Variants in SPATA21 observed in about 807,000 individuals in gnomAD.
The protein encoded by SPATA21 is spermatogenesis-associated protein 21.
In SPATA21, 47 loss-of-function variants were observed where a neutral mutation model predicts 54.8. The ratio of observed to expected loss-of-function variants is 0.86; its 90% confidence interval spans 0.68 to 1.09. The LOEUF (loss-of-function observed/expected upper bound fraction) is 1.09. Ranked by LOEUF, SPATA21 falls within the 50% of genes least tolerant of loss-of-function variation. The probability of loss-of-function intolerance (pLI) is 0.00; values close to 1 mark genes in which losing one functional copy is unlikely to be tolerated. For missense variants in SPATA21, 599 were observed against 596.4 expected (o/e 1.00, Z -0.05); for synonymous variants, 245 against 235.3 (o/e 1.04, Z -0.38).
At chr1:16,406,318 AT>A (rs1184851029) in intron 7 of SPATA21, among the ~76,000 whole-genome samples, 1 of 152,114 alleles carries the variant, frequency 6.6e-6, no homozygotes, top group Non-Finnish European at 1.5e-5. Flanking sequence ...GATTGCTCTT[AT>A]GTTGAAGCCC....
chr1:16,428,097 G>A lies in SPATA21; in HGVS notation c.34+3241C>T. On this transcript the variant is annotated intron_variant, in intron 3 of 12. Coordinates refer to ENST00000335496, the MANE Select transcript of SPATA21 (RefSeq NM_198546.1). The surrounding 1 kb of genome is among the most constrained non-coding windows in gnomAD (Gnocchi z 4.3). ...GAGTGATCCCTCCCACTCCTCCCTG[G>A]GTACTCTTCTGGCCTCAAGGACAGG... is the stretch of plus-strand genomic sequence containing the variant. The A allele has an allele frequency of 6.8e-7, 1 of 1,477,440 alleles. No individual in the cohort carries two copies. The highest frequency in any genetic ancestry group is 9.1e-7 in the Non-Finnish European group (1 of 1,100,570). The allele number at this position is 1,477,440 out of a possible 1,614,324, so 91.5% of individuals were successfully genotyped here.
chr1:16,400,586 G>A, intron 11 of SPATA21, 134 bp downstream of exon 11: 1 of 1,491,812 alleles, frequency 6.7e-7, no homozygotes, highest in Non-Finnish European at 8.9e-7. Flanking sequence ...GATGTACACA[G>A]TTAAGCCCGA....
intron 3 of SPATA21, chr1:16,422,291 T>C: frequency 8.5e-7 from 1 of 1,180,430 alleles, no homozygotes; most frequent in Non-Finnish European, 1.1e-6. Context: ...TATTACACAC[T>C]TACTAGGGTC....
chr1:16,398,344 C>T (rs907304482), downstream of SPATA21, among the ~76,000 whole-genome samples: 1 of 152,038 alleles, frequency 6.6e-6, no homozygotes. Context: ...TCCTGGGGCT[C>T]TGTCGGGGGA....
At chr1:16,399,621 C>T in intron 11 of SPATA21, 100 bp from the exon 12 acceptor site, 1 of 1,380,726 alleles carries the variant, frequency 7.2e-7, no homozygotes, top group Non-Finnish European at 9.7e-7. Flanking sequence ...ACATAATGAC[C>T]TGAGTGGTTT....
chr1:16,400,583 A>T, intron 11 of SPATA21, 137 bp downstream of exon 11: 1 of 1,486,604 alleles, frequency 6.7e-7, no homozygotes, highest in Middle Eastern at 2.5e-4. Context: ...TCTGATGTAC[A>T]CAGTTAAGCC....
At chr1:16,412,773 A>G (rs912467881) in intron 5 of SPATA21, among the ~76,000 whole-genome samples, 3 of 150,422 alleles carry the variant, frequency 2.0e-5, no homozygotes, top group Non-Finnish European at 3.0e-5. Flanking sequence ...ACATTTACCA[A>G]CTTAACGATT....
intron 1 of SPATA21, among the ~76,000 whole-genome samples, chr1:16,436,139 C>A (rs1018997747): frequency 2.4e-4 from 36 of 151,800 alleles, no homozygotes; most frequent in African/African-American, 8.7e-4. Flanking sequence ...GTAATCCCAG[C>A]ACTTTGGGAG....
intron 10 of SPATA21, among the ~76,000 whole-genome samples, chr1:16,401,397 C>A (rs1283108078): frequency 6.6e-6 from 1 of 152,132 alleles, no homozygotes; most frequent in East Asian, 1.9e-4. Context: ...CTGGGCTCAA[C>A]TGATCGTCCT....
chr1:16,435,408 C>T (rs944626707), intron 1 of SPATA21, among the ~76,000 whole-genome samples: 1 of 152,034 alleles, frequency 6.6e-6, no homozygotes, highest in Non-Finnish European at 1.5e-5. Context: ...CCTCCGTCTC[C>T]CGTGTCCATG....
At chr1:16,408,289 G>A (rs574777461) in intron 7 of SPATA21, among the ~76,000 whole-genome samples, 152 of 152,310 alleles carry the variant, frequency 1.0e-3, no homozygotes, top group Non-Finnish European at 1.9e-3. Context: ...ACAATAGAGA[G>A]CAGGGTAGGT....
chr1:16,405,842 G>C (rs1209923264), intron 7 of SPATA21, among the ~76,000 whole-genome samples: 1 of 152,210 alleles, frequency 6.6e-6, no homozygotes, highest in Non-Finnish European at 1.5e-5. Context: ...CCAAGATCTA[G>C]GGACAGACTT....
downstream of SPATA21, chr1:16,398,104 AT>A: frequency 1.5e-6 from 1 of 679,236 alleles, no homozygotes; most frequent in Non-Finnish European, 1.8e-6. Context: ...CAGATTAAGC[AT>A]TTTATAAATT....
intron 1 of SPATA21, among the ~76,000 whole-genome samples, chr1:16,435,417 T>A (rs72638040): frequency 0.11 from 17,129 of 151,766 alleles, 1,334 homozygotes; most frequent in African/African-American, 0.22. Flanking sequence ...CCCGTGTCCA[T>A]GCAATTCTCC....
Position 16,421,604 on chromosome 1 carries a change from G to A in SPATA21, c.96-47C>T. ...AGGTGGGGGAAGCGCTCAGCTGAAG[G>A]TTTGCCCCCCTGCCCTCCCCTCTCA... On this transcript the variant is annotated intron_variant, in intron 4 of 12. Coordinates refer to ENST00000335496, the MANE Select transcript of SPATA21 (RefSeq NM_198546.1). This position sits in a 1 kb window ranked among gnomAD's most constrained non-coding sequence, Gnocchi z 5.2. 1 of 1,581,822 alleles carries A rather than the reference G, an allele frequency of 6.3e-7. No individual in the cohort carries two copies. Among genetic ancestry groups the A allele is most frequent in the South Asian group, 1.1e-5 (1 of 87,280 alleles).
intron 10 of SPATA21, among the ~76,000 whole-genome samples, chr1:16,401,129 C>T (rs986759944): frequency 2.0e-5 from 3 of 152,194 alleles, no homozygotes; most frequent in African/African-American, 7.2e-5. Context: ...CCTGTCAATG[C>T]AAGTGACTTG....
intron 3 of SPATA21, among the ~76,000 whole-genome samples, chr1:16,429,547 T>C (rs2086405750): frequency 6.6e-6 from 1 of 152,090 alleles, no homozygotes; most frequent in South Asian, 2.1e-4. Context: ...CAATCTCCGC[T>C]CACCGCAACC....
At chr1:16,423,857 A>G (rs1255573406) in intron 3 of SPATA21, among the ~76,000 whole-genome samples, 2 of 152,022 alleles carry the variant, frequency 1.3e-5, no homozygotes. Flanking sequence ...TGAATCTCAA[A>G]TAGTCATGTG....
At chr1:16,400,611 CT>C (rs2085414119) in intron 11 of SPATA21, 108 bp downstream of exon 11, 1 of 1,500,460 alleles carries the variant, frequency 6.7e-7, no homozygotes, top group African/African-American at 1.4e-5. Flanking sequence ...GGAAACTGGC[CT>C]CTCAGCTCCC....
Sources: allele counts gnomAD v4.1 joint callset (sites outside exome capture counted in the v4.1 genomes callset), GRCh38; gene constraint gnomAD v4.1.1; non-coding constraint Gnocchi (gnomAD v3.1); transcripts MANE v1.5; gene names NCBI Gene and HGNC (gene_info 2026-07-23, HGNC 2026-07-21).